Variants in ZBTB7C observed in about 807,000 individuals in gnomAD.
The protein encoded by ZBTB7C is zinc finger and BTB domain containing 7C, also known as zinc finger and BTB domain-containing protein 7C.
ZBTB7C carries 8 observed loss-of-function variants against 25.7 expected under a neutral mutation model. The ratio of observed to expected loss-of-function variants is 0.31; its 90% CI spans 0.18 to 0.56. ZBTB7C has a LOEUF of 0.56. Ranked by LOEUF, ZBTB7C falls within the 20% of genes least tolerant of loss-of-function variation. ZBTB7C has a pLI of 0.91. For synonymous variants in ZBTB7C, 394 were observed against 369.0 expected (o/e 1.07, Z -0.78); for missense variants, 824 against 855.2 (o/e 0.96, Z 0.46).
Position 48,311,925 on chromosome 18 carries a change from A to G in ZBTB7C, c.-79+26249T>C, listed in dbSNP as rs2045830474. 2.6e-5 allele frequency among the ~76,000 whole-genome samples: 4 copies of G among 152,224 alleles called. No individual in the cohort carries two copies. The South Asian group carries it at 8.3e-4, about 32-fold the overall frequency. On this transcript the variant is annotated intron_variant, in intron 2 of 4. Coordinates refer to ENST00000590800, the MANE Select transcript of ZBTB7C (RefSeq NM_001318841.2). ...AATTAGATACTCTTCCAAGGCAAGA[A>G]TCTCTGTACTTCTGCTATTCTCCCA...
intron 3 of ZBTB7C, among the ~76,000 whole-genome samples, chr18:48,126,398 G>A (rs2039800040): frequency 6.6e-6 from 1 of 152,268 alleles, no homozygotes; most frequent in Non-Finnish European, 1.5e-5. Flanking sequence ...CCTTATGAGA[G>A]CGGCGCTCTG....
At chr18:48,107,092 G>T (rs1422791865) in intron 3 of ZBTB7C, among the ~76,000 whole-genome samples, 2 of 150,904 alleles carry the variant, frequency 1.3e-5, no homozygotes, top group African/African-American at 4.9e-5. Context: ...AGGGAGGAAA[G>T]GAGAGAGGGG....
At chr18:48,064,801 G>A (rs2037260892) in intron 3 of ZBTB7C, among the ~76,000 whole-genome samples, 2 of 152,064 alleles carry the variant, frequency 1.3e-5, no homozygotes, top group South Asian at 4.2e-4. Context: ...CCCAAGGCAG[G>A]GCCCCCCGGG....
intron 1 of ZBTB7C, among the ~76,000 whole-genome samples, chr18:48,346,311 A>T (rs1169919293): frequency 6.6e-6 from 1 of 152,182 alleles, no homozygotes; most frequent in Non-Finnish European, 1.5e-5. Context: ...TGCCATGCTG[A>T]GCATTTGTCT....
intron 1 of ZBTB7C, among the ~76,000 whole-genome samples, chr18:48,344,583 C>A (rs560466572): frequency 5.9e-5 from 9 of 152,168 alleles, no homozygotes; most frequent in African/African-American, 2.2e-4. Context: ...AGAATTTAGA[C>A]AAAGATGGTA....
intron 2 of ZBTB7C, among the ~76,000 whole-genome samples, chr18:48,328,807 C>T (rs910319238): frequency 2.0e-5 from 3 of 152,180 alleles, no homozygotes; most frequent in African/African-American, 7.2e-5. Flanking sequence ...ATACTGCCCC[C>T]GCCCCACAAA....
At chr18:48,127,229 T>A (rs2039831374) in intron 3 of ZBTB7C, among the ~76,000 whole-genome samples, 1 of 152,188 alleles carries the variant, frequency 6.6e-6, no homozygotes, top group African/African-American at 2.4e-5. Context: ...CAGGCCCTGA[T>A]TCCAGAGCCT....
chr18:48,314,428 T>A (rs1443588812), intron 2 of ZBTB7C, among the ~76,000 whole-genome samples: 1 of 152,184 alleles, frequency 6.6e-6, no homozygotes, highest in East Asian at 1.9e-4. Flanking sequence ...CTAGGGTACA[T>A]GTATCAATGC....
chr18:48,050,461 C>T (rs958413844), intron 3 of ZBTB7C, among the ~76,000 whole-genome samples: 7 of 152,220 alleles, frequency 4.6e-5, no homozygotes, highest in African/African-American at 1.7e-4. Flanking sequence ...TGCCACCCTG[C>T]CAGGACACGC....
chr18:48,048,865 C>T (rs1396337571), intron 3 of ZBTB7C, among the ~76,000 whole-genome samples: 1 of 152,138 alleles, frequency 6.6e-6, no homozygotes, highest in Non-Finnish European at 1.5e-5. Flanking sequence ...GTCTCAGGTA[C>T]TTCTAACCCA....
chr18:48,121,997 T>A (rs2039646817), intron 3 of ZBTB7C, among the ~76,000 whole-genome samples: 2 of 152,144 alleles, frequency 1.3e-5, no homozygotes, highest in Admixed American at 1.3e-4. Flanking sequence ...CATGCTGCAG[T>A]CCCTGGTGAC....
intron 3 of ZBTB7C, among the ~76,000 whole-genome samples, chr18:48,097,659 A>T (rs1368692526): frequency 6.6e-6 from 1 of 152,130 alleles, no homozygotes; most frequent in Non-Finnish European, 1.5e-5. Context: ...GGCCTCCCAA[A>T]GTGCTGGGAT....
chr18:48,395,279 G>A (rs981066415), intron 1 of ZBTB7C, among the ~76,000 whole-genome samples: 3 of 44,188 alleles, frequency 6.8e-5, no homozygotes, highest in Admixed American at 1.8e-4. Context: ...GTGTGTGTGT[G>A]TGTGTGTGTG....
At chr18:48,405,620 T>C (rs2048262604) in intron 1 of ZBTB7C, among the ~76,000 whole-genome samples, 3 of 152,192 alleles carry the variant, frequency 2.0e-5, no homozygotes, top group Admixed American at 1.3e-4. Context: ...GGAAAATCCT[T>C]GTGTCCTAAA....
chr18:48,125,596 A>G (rs1407245240), intron 3 of ZBTB7C, among the ~76,000 whole-genome samples: 3 of 152,238 alleles, frequency 2.0e-5, no homozygotes, highest in Admixed American at 6.5e-5. Context: ...TGGCCATAAC[A>G]ATATGATGGC....
intron 3 of ZBTB7C, among the ~76,000 whole-genome samples, chr18:48,092,011 C>G (rs7237551): frequency 1.2e-3 from 186 of 152,240 alleles, no homozygotes; most frequent in African/African-American, 4.4e-3. Flanking sequence ...GTGTGGATGT[C>G]AATCATAGAA....
At chr18:48,340,960 C>T (rs1417618503) in intron 1 of ZBTB7C, among the ~76,000 whole-genome samples, 2 of 152,176 alleles carry the variant, frequency 1.3e-5, no homozygotes, top group Admixed American at 1.3e-4. Flanking sequence ...GGCAGCCCCC[C>T]TCCTCTGAGC....
At chr18:48,154,528 T>A (rs902382362) in intron 3 of ZBTB7C, among the ~76,000 whole-genome samples, 2 of 152,252 alleles carry the variant, frequency 1.3e-5, no homozygotes, top group Non-Finnish European at 2.9e-5. Context: ...TTCAATTCTT[T>A]AAGGGTTCCC....
At chr18:48,309,049 C>T (rs1016254831) in intron 2 of ZBTB7C, among the ~76,000 whole-genome samples, 6 of 152,198 alleles carry the variant, frequency 3.9e-5, no homozygotes, top group African/African-American at 1.4e-4. Flanking sequence ...ATGGTCCTCA[C>T]CCCTGGAATT....
Sources: allele counts gnomAD v4.1 joint callset (sites outside exome capture counted in the v4.1 genomes callset), GRCh38; gene constraint gnomAD v4.1.1; transcripts MANE v1.5; gene names NCBI Gene and HGNC (gene_info 2026-07-23, HGNC 2026-07-21).